The following NAA25 variants were observed in gnomAD, a reference collection of about 807,000 sequenced individuals.
NAA25 encodes the protein N-terminal acetyltransferase B complex subunit NAA25.
A neutral mutation model predicts 132.5 loss-of-function variants in NAA25; 30 were observed. That is an observed-to-expected ratio of 0.23 (90% CI 0.17 to 0.31). The LOEUF (loss-of-function observed/expected upper bound fraction) is 0.31. NAA25 is among the 10% of genes least tolerant of loss of function. The probability of loss-of-function intolerance (pLI) is 1.00; values close to 1 mark genes in which losing one functional copy is unlikely to be tolerated. For synonymous variants in NAA25, 359 were observed against 401.9 expected, an observed-to-expected ratio of 0.89 and a Z score of 1.28; for missense variants, 771 against 1,150.4, an observed-to-expected ratio of 0.67 and a Z score of 4.77.
chr12:112,108,669 G>A (rs530437207), intron 1 of NAA25, 47 bp downstream of exon 1: 3 of 1,430,022 alleles, frequency 2.1e-6, no homozygotes, highest in Non-Finnish European at 2.8e-6. Context: ...AGCCTCGGCA[G>A]CCCTCGGCGC....
At chr12:112,076,027 C>G (rs1404644420) in intron 7 of NAA25, among the ~76,000 whole-genome samples, 2 of 152,118 alleles carry the variant, frequency 1.3e-5, no homozygotes, top group Non-Finnish European at 2.9e-5. Flanking sequence ...GGATTACAGG[C>G]ATCTGCCACC....
intron 22 of NAA25, among the ~76,000 whole-genome samples, chr12:112,038,852 G>A (rs1349930575): frequency 1.3e-5 from 2 of 152,084 alleles, no homozygotes; most frequent in African/African-American, 2.4e-5. Context: ...GGTGGCAGGC[G>A]CCTGTAATCC....
chr12:112,069,440 T>C (rs1179146459), intron 10 of NAA25, among the ~76,000 whole-genome samples: 1 of 152,150 alleles, frequency 6.6e-6, no homozygotes, highest in Non-Finnish European at 1.5e-5. Flanking sequence ...AAGGTGGATG[T>C]TGCAGTGAGC....
chr12:112,071,451 C>T (rs1273163970), intron 10 of NAA25, among the ~76,000 whole-genome samples: 1 of 152,178 alleles, frequency 6.6e-6, no homozygotes, highest in Non-Finnish European at 1.5e-5. Flanking sequence ...CCTGCCTCAG[C>T]CTCCTGAGTA....
intron 22 of NAA25, 84 bp from the exon 23 acceptor site, chr12:112,033,463 G>A (rs906759709): frequency 7.7e-7 from 1 of 1,305,858 alleles, no homozygotes; most frequent in Admixed American, 3.1e-5. Flanking sequence ...AAAGATGTGA[G>A]GGAATTTAAA....
chr12:112,056,738 C>A (rs1005653551), intron 13 of NAA25, among the ~76,000 whole-genome samples: 1 of 152,076 alleles, frequency 6.6e-6, no homozygotes. Context: ...CTATCACTGA[C>A]TTCAAGAAGC....
chr12:112,092,164 C>T (rs2079141026), intron 2 of NAA25, among the ~76,000 whole-genome samples: 1 of 151,890 alleles, frequency 6.6e-6, no homozygotes, highest in Non-Finnish European at 1.5e-5. Context: ...TTGCTTGAAC[C>T]CAGGAGGCAG....
At chr12:112,054,695 AT>A in intron 13 of NAA25, 127 bp from the exon 14 acceptor site, 2 of 841,048 alleles carry the variant, frequency 2.4e-6, no homozygotes, top group Non-Finnish European at 3.6e-6. Context: ...CAGAGAACAA[AT>A]TTTAGATATA....
chr12:112,065,424 G>A (rs1255840137), intron 11 of NAA25: 3 of 151,864 alleles, frequency 2.0e-5, no homozygotes, highest in Non-Finnish European at 2.9e-5. Flanking sequence ...TCTTGAACCC[G>A]AGAGGCAGAG....
intron 4 of NAA25, 121 bp downstream of exon 4, chr12:112,087,562 C>A: frequency 1.5e-6 from 1 of 663,174 alleles, no homozygotes; most frequent in Non-Finnish European, 2.6e-6. Flanking sequence ...GACCTCCACA[C>A]AGAAAAATCC....
At chr12:112,093,674 AT>A (rs2136933270) in intron 1 of NAA25, among the ~76,000 whole-genome samples, 1 of 152,240 alleles carries the variant, frequency 6.6e-6, no homozygotes, top group Non-Finnish European at 1.5e-5. Flanking sequence ...GAGCCCAGGA[AT>A]TCGAGACCAG....
chr12:112,042,082 T>C lies in NAA25; in HGVS notation c.2397A>G (p.Glu799=). Residue 799 remains glutamate, a synonymous_variant, in exon 20 of 24, where the codon GAA becomes GAG. Transcript: ENST00000261745. The stretch of plus-strand genomic sequence containing the variant: ...AAGACTTAAAACTATTTTCTATTCG[T>C]TCCTGAATCTCCATTGTATCCTCTA... ...SGLEDTMEIQ[E]RIENSFKSLL... is the part of the protein sequence containing the mutation. The C allele has an allele frequency of 6.7e-7, 1 of 1,487,476 alleles. No homozygotes were observed. Among genetic ancestry groups the C allele is most frequent in the Non-Finnish European group, 8.9e-7 (1 of 1,120,506 alleles). 92.1% of individuals were successfully genotyped at this position (1,487,476 alleles called of 1,614,324 possible).
intron 21 of NAA25, 100 bp downstream of exon 21, chr12:112,040,381 T>A: frequency 1.6e-6 from 1 of 629,982 alleles, no homozygotes; most frequent in Non-Finnish European, 2.8e-6. Context: ...GAGGGTTAAG[T>A]TACAGGTATA....
At chr12:112,063,708 A>G (rs2078671759) in intron 11 of NAA25, among the ~76,000 whole-genome samples, 1 of 152,222 alleles carries the variant, frequency 6.6e-6, no homozygotes, top group Non-Finnish European at 1.5e-5. Flanking sequence ...CTTACACAGA[A>G]GGGCACCAAT....
At chr12:112,045,302 TA>T (rs1206228902) in intron 17 of NAA25, among the ~76,000 whole-genome samples, 1 of 151,640 alleles carries the variant, frequency 6.6e-6, no homozygotes, top group Non-Finnish European at 1.5e-5. Flanking sequence ...CCATCCTGGC[TA>T]ACACAGTAAA....
At position 112,043,702 on chromosome 12, in the gene NAA25, C is replaced by T. The variant is rs1566000526; in HGVS notation, c.2173G>A (p.Asp725Asn). The change falls in exon 18 of 24, where the codon GAT (aspartate) becomes AAT (asparagine). Residue 725 changes from aspartate (D) to asparagine (N), a missense_variant. By Grantham distance (23) the Asp-to-Asn change is conservative (BLOSUM62 1). Transcript: ENST00000261745. ...TAENGVSSRI[D>N]ILRLLLQQLE... ...TGTTGAAGGAGCAAACGAAGAATAT[C>T]AATCCGGGAGGATACCCCATTCTCG... 1 of 1,614,192 alleles carries T rather than the reference C, an allele frequency of 6.2e-7. No individual in the cohort carries two copies. Among genetic ancestry groups the T allele is most frequent in the Non-Finnish European group, 8.5e-7 (1 of 1,180,036 alleles).
intron 22 of NAA25, chr12:112,034,207 T>C (rs943862697): frequency 6.6e-6 from 1 of 152,196 alleles, no homozygotes; most frequent in African/African-American, 2.4e-5. Context: ...CTAAAGAAAC[T>C]ATATTATAGG....
chr12:112,048,514 C>A, intron 15 of NAA25, 71 bp from the exon 16 acceptor site: 1 of 1,271,588 alleles, frequency 7.9e-7, no homozygotes, highest in Non-Finnish European at 1.1e-6. Flanking sequence ...CCTTGCCAGC[C>A]AAAACAAAAC....
intron 1 of NAA25, among the ~76,000 whole-genome samples, chr12:112,096,184 G>T (rs1286354109): frequency 1.3e-5 from 2 of 152,100 alleles, no homozygotes; most frequent in Admixed American, 6.6e-5. Context: ...CAAAAGCAAA[G>T]ATTCATTTCT....
Sources: gnomAD v4.1 joint callset for allele counts (sites outside exome capture counted in the v4.1 genomes callset) on GRCh38, gnomAD v4.1.1 for gene constraint, MANE v1.5 for transcripts, NCBI Gene and HGNC (gene_info 2026-07-23, HGNC 2026-07-21) for gene names.